Variants in INTU observed in about 807,000 individuals in gnomAD.
INTU encodes the protein protein inturned.
In INTU, 68 loss-of-function variants were observed where a neutral mutation model predicts 100.5. That is an observed-to-expected ratio of 0.68 (90% CI 0.56 to 0.83). INTU has a LOEUF of 0.83. INTU is among the 40% of genes least tolerant of loss of function. The pLI, the probability that INTU is intolerant of heterozygous loss-of-function variation, is 0.00. For synonymous variants in INTU, 357 were observed against 395.7 expected, an observed-to-expected ratio of 0.90 and a Z score of 1.16; for missense variants, 1,071 against 1,114.7, an observed-to-expected ratio of 0.96 and a Z score of 0.56.
chr4:127,640,882 T>C (rs1727301341), intron 1 of INTU, among the ~76,000 whole-genome samples: 1 of 152,048 alleles, frequency 6.6e-6, no homozygotes, highest in Non-Finnish European at 1.5e-5. Context: ...ACAGTGTTCA[T>C]GTGAGAGAGA....
intron 1 of INTU, among the ~76,000 whole-genome samples, chr4:127,642,939 A>C (rs1727397251): frequency 6.6e-6 from 1 of 152,170 alleles, no homozygotes; most frequent in Non-Finnish European, 1.5e-5. Context: ...CTGTGATTAT[A>C]AATGGGTTGT....
intron 14 of INTU, among the ~76,000 whole-genome samples, chr4:127,713,412 A>G (rs1017033551): frequency 9.2e-5 from 14 of 152,202 alleles, no homozygotes; most frequent in African/African-American, 3.1e-4. Context: ...CAAATGAGTC[A>G]TTGTTTTGCT....
intron 4 of INTU, among the ~76,000 whole-genome samples, chr4:127,665,362 C>T (rs1308466235): frequency 6.6e-6 from 1 of 151,572 alleles, no homozygotes; most frequent in Non-Finnish European, 1.5e-5. Flanking sequence ...TTTTTCTTTA[C>T]TCATCATCCT....
At chr4:127,699,211 C>G (rs2148724727) in intron 8 of INTU, 1 of 152,268 alleles carries the variant, frequency 6.6e-6, no homozygotes, top group African/African-American at 2.4e-5. Context: ...GTATGCCACA[C>G]AATTCAATTG....
At chr4:127,653,871 G>T (rs1182256181) in intron 2 of INTU, among the ~76,000 whole-genome samples, 1 of 151,750 alleles carries the variant, frequency 6.6e-6, no homozygotes, top group Non-Finnish European at 1.5e-5. Context: ...CTCTTTGTAG[G>T]TCACTCAGGA....
chr4:127,665,829 T>C (rs140092321), intron 4 of INTU, among the ~76,000 whole-genome samples: 40 of 152,250 alleles, frequency 2.6e-4, no homozygotes, highest in Admixed American at 4.6e-4. Context: ...TTCCACTGGG[T>C]AGAATTAGTC....
At chr4:127,688,748 C>T (rs373246359) in intron 8 of INTU, among the ~76,000 whole-genome samples, 4 of 152,152 alleles carry the variant, frequency 2.6e-5, no homozygotes, top group East Asian at 3.9e-4. Context: ...AGTTATTACA[C>T]GTGAAGTATT....
intron 8 of INTU, among the ~76,000 whole-genome samples, chr4:127,695,378 G>A (rs1365411793): frequency 2.6e-5 from 4 of 152,090 alleles, no homozygotes; most frequent in Non-Finnish European, 2.9e-5. Flanking sequence ...GGCTGAGATG[G>A]GTGGATCACT....
chr4:127,640,929 A>G (rs1445232042), intron 1 of INTU, among the ~76,000 whole-genome samples: 2 of 151,966 alleles, frequency 1.3e-5, no homozygotes, highest in Non-Finnish European at 2.9e-5. Context: ...GTTCCCATGT[A>G]TTACAATGAG....
At chr4:127,645,617 A>C (rs942492551) in intron 2 of INTU, among the ~76,000 whole-genome samples, 2 of 151,808 alleles carry the variant, frequency 1.3e-5, no homozygotes, top group Non-Finnish European at 2.9e-5. Context: ...CTAGAGTGCA[A>C]TGGCACCATC....
At position 127,634,529 on chromosome 4, in the gene INTU, C is replaced by T. The variant is rs534617477; in HGVS notation, c.146+1349C>T. On this transcript the variant is annotated intron_variant, in intron 1 of 15. Coordinates refer to ENST00000335251, the MANE Select transcript of INTU (RefSeq NM_015693.4). ...TGAACTTTGTTTCCTAGGAAATGAC[C>T]AATCTGAGGACCTTGTGATAGGAGA... Among the ~76,000 whole-genome samples, 38 of 152,216 alleles carry T rather than the reference C, an allele frequency of 2.5e-4. 1 individual carries two copies. Among genetic ancestry groups the T allele is most frequent in the African/African-American group, 9.1e-4 (38 of 41,540 alleles).
intron 6 of INTU, among the ~76,000 whole-genome samples, chr4:127,681,148 A>C (rs1316369268): frequency 6.6e-6 from 1 of 152,208 alleles, no homozygotes; most frequent in African/African-American, 2.4e-5. Context: ...GGGTAGGAAA[A>C]ATCAATATCA....
In INTU at chr4:127,718,712, CT is replaced by C. The variant is rs1007165329; in HGVS notation, c.*2277del. 2 of 152,004 alleles carry C rather than the reference CT, an allele frequency of 1.3e-5. No individual in the cohort carries two copies. Among genetic ancestry groups the C allele is most frequent in the Non-Finnish European group, 2.9e-5 (2 of 67,962 alleles). The allele number at this position is 152,004 out of a possible 1,614,324, so 9.4% of individuals were successfully genotyped here. ...AGAGGTCCTTCACTTCCCTTGTTAGCTGTATTCCTAGGTATTTTATTCTCTT... is the reference window on the plus strand; with the variant it reads ...AGAGGTCCTTCACTTCCCTTGTTAGCGTATTCCTAGGTATTTTATTCTCTT... On this transcript the variant is annotated 3_prime_UTR_variant, in exon 16 of 16. Coordinates refer to ENST00000335251, the MANE Select transcript of INTU (RefSeq NM_015693.4).
chr4:127,651,522 T>G (rs1482052714), intron 2 of INTU, among the ~76,000 whole-genome samples: 2 of 152,210 alleles, frequency 1.3e-5, no homozygotes, highest in African/African-American at 4.8e-5. Context: ...AAAGATCTGA[T>G]AGTTGTAGAT....
intron 2 of INTU, among the ~76,000 whole-genome samples, chr4:127,650,940 G>C (rs1339135158): frequency 2.0e-5 from 3 of 152,160 alleles, no homozygotes; most frequent in East Asian, 1.9e-4. Context: ...GTATCTCATT[G>C]TGGTTTTGAT....
intron 2 of INTU, among the ~76,000 whole-genome samples, chr4:127,656,096 G>A (rs966950395): frequency 2.0e-4 from 31 of 152,224 alleles, no homozygotes; most frequent in Non-Finnish European, 2.6e-4. Flanking sequence ...CACGGTGTGC[G>A]CACCCACTGA....
intron 14 of INTU, among the ~76,000 whole-genome samples, chr4:127,712,854 G>A (rs564905786): frequency 6.6e-6 from 1 of 152,332 alleles, no homozygotes; most frequent in South Asian, 2.1e-4. Context: ...GGTTCTCATA[G>A]GAGTGCAAAC....
intron 10 of INTU, among the ~76,000 whole-genome samples, chr4:127,705,061 C>T (rs1397192278): frequency 6.6e-6 from 1 of 151,288 alleles, no homozygotes; most frequent in Non-Finnish European, 1.5e-5. Context: ...CACTGCACTC[C>T]AGCCTGGGTG....
At chr4:127,674,285 C>A in intron 6 of INTU, 72 bp downstream of exon 6, 1 of 1,206,956 alleles carries the variant, frequency 8.3e-7, no homozygotes, top group Non-Finnish European at 1.2e-6. Flanking sequence ...AAAATTATTA[C>A]ATTTTTGTCA....
Sources: gnomAD v4.1 joint callset for allele counts (sites outside exome capture counted in the v4.1 genomes callset) on GRCh38, gnomAD v4.1.1 for gene constraint, MANE v1.5 for transcripts, NCBI Gene and HGNC (gene_info 2026-07-23, HGNC 2026-07-21) for gene names.